The following ZBTB46 variants were observed in gnomAD, a reference collection of about 807,000 sequenced individuals.
ZBTB46 encodes the protein zinc finger and BTB domain-containing protein 46.
Under a neutral mutation model 44.1 loss-of-function variants are expected in ZBTB46, and 8 were observed. That is an observed-to-expected ratio of 0.18 (90% CI 0.11 to 0.33). The LOEUF is 0.33. Among genes scored for constraint, ZBTB46 ranks in the 10% least tolerant of loss-of-function variants. ZBTB46 has a pLI of 1.00. For synonymous variants in ZBTB46, 409 were observed against 382.3 expected (o/e 1.07, Z -0.81); for missense variants, 651 against 847.7 (o/e 0.77, Z 2.88).
intron 4 of ZBTB46, among the ~76,000 whole-genome samples, chr20:63,749,052 G>A (rs1234863023): frequency 2.0e-5 from 3 of 152,208 alleles, no homozygotes; most frequent in Non-Finnish European, 2.9e-5. Context: ...TTCTAGACCC[G>A]CTTCCTTGAG....
At chr20:63,812,494 TAGCC>T (rs1470796484) in intron 1 of ZBTB46, among the ~76,000 whole-genome samples, 2 of 149,090 alleles carry the variant, frequency 1.3e-5, no homozygotes, top group Non-Finnish European at 3.0e-5. Flanking sequence ...TACAAAAAAT[TAGCC>T]AGGCAATGTG....
intron 1 of ZBTB46, among the ~76,000 whole-genome samples, chr20:63,794,752 C>T (rs899667553): frequency 1.3e-5 from 2 of 152,162 alleles, no homozygotes; most frequent in African/African-American, 2.4e-5. Context: ...GCTCACAACC[C>T]GTATTCTGTG....
At chr20:63,751,783 C>CATGAAGCCCCGCCCCCCGGTGGGTCT (rs2092168403) in intron 4 of ZBTB46, among the ~76,000 whole-genome samples, 3 of 102,424 alleles carry the variant, frequency 2.9e-5, no homozygotes, top group Non-Finnish European at 2.1e-5. Flanking sequence ...GTGGGTCTCC[C>CATGAAGCCCCGCCCCCCGGTGGGTCT]CATGAAGCCC....
intron 3 of ZBTB46, among the ~76,000 whole-genome samples, chr20:63,760,389 T>G (rs570533837): frequency 6.6e-6 from 1 of 152,366 alleles, no homozygotes; most frequent in African/African-American, 2.4e-5. Flanking sequence ...GTGTCAAATA[T>G]ATTCGCATAA....
chr20:63,781,361 C>T (rs1007389768), intron 2 of ZBTB46, among the ~76,000 whole-genome samples: 3 of 152,104 alleles, frequency 2.0e-5, no homozygotes, highest in Non-Finnish European at 4.4e-5. Flanking sequence ...AGCTGAGCCA[C>T]GACACTCACT....
chr20:63,805,681 G>A (rs933829586), intron 1 of ZBTB46, among the ~76,000 whole-genome samples: 3 of 152,220 alleles, frequency 2.0e-5, no homozygotes, highest in South Asian at 2.1e-4. Flanking sequence ...CTCTGCTGCC[G>A]CGAGCTGCCC....
At chr20:63,828,395 G>A (rs775320664) in intron 1 of ZBTB46, among the ~76,000 whole-genome samples, 4 of 152,222 alleles carry the variant, frequency 2.6e-5, no homozygotes, top group South Asian at 2.1e-4. Flanking sequence ...CCTTAATAGA[G>A]ATTTTGAATC....
intron 3 of ZBTB46, among the ~76,000 whole-genome samples, chr20:63,763,529 G>T (rs79852570): frequency 6.6e-6 from 1 of 152,140 alleles, no homozygotes; most frequent in Non-Finnish European, 1.5e-5. Context: ...AAGACGGAGG[G>T]TCATGGGGGA....
intron 1 of ZBTB46, among the ~76,000 whole-genome samples, chr20:63,825,176 G>A (rs1396785236): frequency 4.0e-5 from 6 of 151,368 alleles, no homozygotes; most frequent in South Asian, 2.1e-4. Context: ...CGAGGCAGGC[G>A]GATCACTTGA....
At chr20:63,796,031 G>C (rs1454900054) in intron 1 of ZBTB46, among the ~76,000 whole-genome samples, 1 of 152,204 alleles carries the variant, frequency 6.6e-6, no homozygotes, top group Non-Finnish European at 1.5e-5. Flanking sequence ...ATGTGCCCTG[G>C]CCACAGCCTG....
chr20:63,797,504 T>C lies in ZBTB46; in HGVS notation c.-33-6714A>G, dbSNP rs546142771. Among the ~76,000 whole-genome samples the C allele has an allele frequency of 2.0e-5, 3 of 152,342 alleles. No homozygotes were observed. The South Asian group carries it at 6.2e-4, about 32-fold the overall frequency. On this transcript the variant is annotated intron_variant, in intron 1 of 4. Coordinates refer to ENST00000245663, the MANE Select transcript of ZBTB46 (RefSeq NM_001369741.1). ...TTATAGCAACATGATTTATAATCCT[T>C]TGGGTATATACCCAGTAATGGGATG...
intron 3 of ZBTB46, among the ~76,000 whole-genome samples, chr20:63,754,190 C>T (rs554271184): frequency 3.3e-4 from 51 of 152,338 alleles, no homozygotes; most frequent in Non-Finnish European, 2.4e-4. Context: ...ATGTCCCCGC[C>T]GCACATCCCC....
chr20:63,777,070 C>CACCCACTGGGATGGCT (rs1568856950), intron 2 of ZBTB46, among the ~76,000 whole-genome samples: 16 of 43,594 alleles, frequency 3.7e-4, no homozygotes, highest in Admixed American at 8.0e-4. Flanking sequence ...TTCCAGCACA[C>CACCCACTGGGATGGCT]GCCACGGTTC....
intron 1 of ZBTB46, 159 bp from the exon 2 acceptor site, chr20:63,790,949 G>A: frequency 9.5e-7 from 1 of 1,048,038 alleles, no homozygotes; most frequent in Non-Finnish European, 1.3e-6. Context: ...GGAGGCCTGT[G>A]TCTCCGCCTG....
At chr20:63,779,263 G>A (rs915657359) in intron 2 of ZBTB46, among the ~76,000 whole-genome samples, 1 of 151,784 alleles carries the variant, frequency 6.6e-6, no homozygotes, top group Non-Finnish European at 1.5e-5. Context: ...ATTTTGAGAC[G>A]GAGTTTCGCT....
chr20:63,831,327 A>AC (rs1310027763), upstream of ZBTB46: 2 of 129,648 alleles, frequency 1.5e-5, no homozygotes, highest in African/African-American at 5.7e-5. Context: ...CCGCCCGCGG[A>AC]CCCTGACCCC....
chr20:63,817,490 G>A (rs1431955966), intron 1 of ZBTB46, among the ~76,000 whole-genome samples: 5 of 151,864 alleles, frequency 3.3e-5, no homozygotes, highest in South Asian at 2.1e-4. Context: ...CAAGGTGGGC[G>A]GATCACCTGA....
intron 3 of ZBTB46, among the ~76,000 whole-genome samples, chr20:63,763,429 G>C (rs1164157084): frequency 6.6e-6 from 1 of 152,206 alleles, no homozygotes; most frequent in Non-Finnish European, 1.5e-5. Context: ...GAAGCATGGT[G>C]GCATCAGCTT....
chr20:63,783,342 T>C (rs1191193614), intron 2 of ZBTB46, among the ~76,000 whole-genome samples: 2 of 152,028 alleles, frequency 1.3e-5, no homozygotes, highest in African/African-American at 2.4e-5. Flanking sequence ...GGCAGGAGAA[T>C]CACTTGAACC....
Sources: gnomAD v4.1 joint callset for allele counts (sites outside exome capture counted in the v4.1 genomes callset) on GRCh38, gnomAD v4.1.1 for gene constraint, MANE v1.5 for transcripts, NCBI Gene and HGNC (gene_info 2026-07-23, HGNC 2026-07-21) for gene names.